The following CCN4 variants were observed in gnomAD, a reference collection of about 807,000 sequenced individuals.
CCN4 encodes CCN family member 4.
A neutral mutation model predicts 36.7 loss-of-function variants in CCN4; 30 were observed. The observed-to-expected ratio is 0.82, with a 90% CI of 0.61 to 1.11. CCN4 has a LOEUF of 1.11. Among genes scored for constraint, CCN4 ranks in the 50% least tolerant of loss-of-function variants. The pLI is 0.00. For missense variants in CCN4, 505 were observed against 504.9 expected (o/e 1.00, Z 0.00); for synonymous variants, 191 against 195.4 (o/e 0.98, Z 0.19).
rs140648348 is a variant in CCN4, at chr8:133,220,713, G to A, written c.482G>A (p.Arg161His). 9.7e-5 allele frequency: 156 copies of A among 1,613,640 alleles called. 1 individual carries two copies. The African/African-American group carries it at 1.6e-3, about 17-fold the overall frequency. ...TGCACACCACTGTGCCTCCGAGTGC[G>A]CCCCCCGCGTCTCTGGTGCCCCCAC... ...VGCTPLCLRV[R>H]PPRLWCPHPR... is the part of the protein sequence containing the mutation. Residue 161 changes from arginine (R) to histidine (H), a missense_variant, in exon 3 of 5, where the codon CGC becomes CAC. Physicochemically the swap from Arg to His is conservative, Grantham distance 29. Transcript: ENST00000250160.
intron 2 of CCN4, among the ~76,000 whole-genome samples, chr8:133,214,616 T>C (rs1053236149): frequency 6.6e-6 from 1 of 152,172 alleles, no homozygotes; most frequent in African/African-American, 2.4e-5. Flanking sequence ...TATGAAACTT[T>C]CTGACCCCCT....
chr8:133,196,061 C>T (rs1406642274), intron 1 of CCN4, among the ~76,000 whole-genome samples: 1 of 152,256 alleles, frequency 6.6e-6, no homozygotes, highest in Non-Finnish European at 1.5e-5. Context: ...GGTTTCAAAG[C>T]AAGGCTTCAG....
chr8:133,193,789 C>T (rs545168368), intron 1 of CCN4, among the ~76,000 whole-genome samples: 5 of 152,308 alleles, frequency 3.3e-5, no homozygotes, highest in Admixed American at 3.3e-4. Flanking sequence ...AACCTTGGTC[C>T]AGCTCTTGGT....
At chr8:133,192,899 T>G (rs1182595672) in intron 1 of CCN4, among the ~76,000 whole-genome samples, 3 of 152,160 alleles carry the variant, frequency 2.0e-5, no homozygotes, top group African/African-American at 7.2e-5. Flanking sequence ...GCAGAGCGTG[T>G]GGAGGGACCC....
chr8:133,193,773 C>T (rs1341392892), intron 1 of CCN4, among the ~76,000 whole-genome samples: 1 of 152,206 alleles, frequency 6.6e-6, no homozygotes, highest in Non-Finnish European at 1.5e-5. Context: ...GGGAAGCTGA[C>T]ATTTGAACCT....
rs147118781 is a variant in CCN4 at position 133,211,819 on chromosome 8, C to T, written c.70-1045C>T. Among the ~76,000 whole-genome samples the T allele has an allele frequency of 3.9e-5, 6 of 152,356 alleles. No homozygotes were observed. The East Asian group carries it at 1.2e-3, about 29-fold the overall frequency. On this transcript the variant is annotated intron_variant, in intron 1 of 4. Coordinates refer to ENST00000250160, the MANE Select transcript of CCN4 (RefSeq NM_003882.4). Reference sequence around the variant, plus strand: ...ACTCAAAGCCTGGCTCCCGTCCCCGCTCCTGTGTCCTCAGGCGATTCTCTT... The same window carrying T: ...ACTCAAAGCCTGGCTCCCGTCCCCGTTCCTGTGTCCTCAGGCGATTCTCTT...
At chr8:133,193,378 T>C (rs1415976881) in intron 1 of CCN4, among the ~76,000 whole-genome samples, 1 of 152,144 alleles carries the variant, frequency 6.6e-6, no homozygotes, top group Non-Finnish European at 1.5e-5. Flanking sequence ...AGGAGGAAGA[T>C]GGCAGCCCAG....
chr8:133,193,414 A>G (rs1218178391), intron 1 of CCN4, among the ~76,000 whole-genome samples: 2 of 152,352 alleles, frequency 1.3e-5, no homozygotes, highest in African/African-American at 4.8e-5. Context: ...GGAGGAAGGC[A>G]CTGGAGTGAT....
chr8:133,203,133 G>A (rs1315891103), intron 1 of CCN4, among the ~76,000 whole-genome samples: 3 of 152,304 alleles, frequency 2.0e-5, no homozygotes, highest in Middle Eastern at 3.4e-3. Context: ...GCCTCCGACC[G>A]TCCACACTGC....
At chr8:133,194,371 T>G (rs1218782750) in intron 1 of CCN4, among the ~76,000 whole-genome samples, 1 of 71,890 alleles carries the variant, frequency 1.4e-5, no homozygotes, top group East Asian at 4.7e-4. Context: ...TGGGGGTGTG[T>G]GTGTGGGGTG....
chr8:133,192,076 G>A (rs1853135402), intron 1 of CCN4, among the ~76,000 whole-genome samples: 1 of 152,188 alleles, frequency 6.6e-6, no homozygotes, highest in Non-Finnish European at 1.5e-5. Context: ...GGCAGCTTCT[G>A]AGCCCCAGAT....
intron 1 of CCN4, among the ~76,000 whole-genome samples, chr8:133,197,528 C>T (rs56387614): frequency 6.6e-6 from 1 of 152,082 alleles, no homozygotes; most frequent in Admixed American, 6.5e-5. Context: ...GTCTCCCCCC[C>T]AGCTCTGACA....
At chr8:133,218,731 G>A (rs1056343108) in intron 2 of CCN4, among the ~76,000 whole-genome samples, 1 of 152,128 alleles carries the variant, frequency 6.6e-6, no homozygotes, top group Non-Finnish European at 1.5e-5. Context: ...ATTTCCAGAA[G>A]CTGTCCTCCA....
Position 133,195,588 on chromosome 8 carries a change from C to A in CCN4, c.69+4375C>A, listed in dbSNP as rs113832953. ...AGCCCCTGCTGCCAGCTCAGGGCCC[C>A]TCCAGCCGACAGCTTATCTTGGAGG... On this transcript the variant is annotated intron_variant, in intron 1 of 4. Transcript: ENST00000250160. Among the ~76,000 whole-genome samples, 634 of 152,274 alleles carry A rather than the reference C, an allele frequency of 4.2e-3. 8 individuals carry two copies. The highest frequency in any genetic ancestry group is 0.014 in the African/African-American group (601 of 41,544).
chr8:133,214,014 AGTAGT>A (rs1854196720), intron 2 of CCN4, among the ~76,000 whole-genome samples: 1 of 77,980 alleles, frequency 1.3e-5, no homozygotes, highest in Admixed American at 1.2e-4. Flanking sequence ...CACTATATAT[AGTAGT>A]TATACATACT....
intron 1 of CCN4, among the ~76,000 whole-genome samples, chr8:133,211,524 G>A (rs1318567471): frequency 2.0e-5 from 3 of 152,180 alleles, no homozygotes; most frequent in African/African-American, 7.2e-5. Context: ...GTCTCTTCGG[G>A]TCTTGCCTTC....
rs531188445 is a variant in CCN4, at chr8:133,214,381, G to T, written c.349+1238G>T. On this transcript the variant is annotated intron_variant, in intron 2 of 4. Transcript: ENST00000250160. ...TATGACCAGGTAAATATTGTTCACT[G>T]CAGTATGAGATCAGGAACTGGCTTT... Among the ~76,000 whole-genome samples the T allele has an allele frequency of 1.1e-4, 16 of 150,852 alleles. 1 individual carries two copies. The South Asian group carries it at 3.4e-3, about 32-fold the overall frequency.
Position 133,227,637 on chromosome 8 carries a change from T to G in CCN4, c.1031T>G (p.Leu344Arg), listed in dbSNP as rs776321351. 3 of 1,614,260 alleles carry G rather than the reference T, an allele frequency of 1.9e-6. No individual in the cohort carries two copies. Among genetic ancestry groups the G allele is most frequent in the Admixed American group, 1.7e-5 (1 of 60,024 alleles). The part of the protein sequence containing the change: ...VLWINACFCN[L>R]SCRNPNDIFA... The stretch of plus-strand genomic sequence containing the variant: ...TGGATTAATGCCTGCTTCTGTAACC[T>G]GAGCTGTAGGAATCCCAATGACATC... Residue 344 changes from leucine (L) to arginine (R), a missense_variant, in exon 5 of 5, where the codon CTG becomes CGG. Leu to Arg is a moderately radical substitution (Grantham distance 102). Coordinates refer to ENST00000250160, the MANE Select transcript of CCN4 (RefSeq NM_003882.4).
intron 2 of CCN4, among the ~76,000 whole-genome samples, chr8:133,219,104 G>A (rs1188356457): frequency 6.6e-6 from 1 of 152,142 alleles, no homozygotes; most frequent in Non-Finnish European, 1.5e-5. Context: ...AGCACCGTGA[G>A]TGTTCTCATG....
Sources: allele counts gnomAD v4.1 joint callset (sites outside exome capture counted in the v4.1 genomes callset), GRCh38; gene constraint gnomAD v4.1.1; transcripts MANE v1.5; gene names NCBI Gene and HGNC (gene_info 2026-07-23, HGNC 2026-07-21).